The following ANKRD44 variants were observed in gnomAD, a reference collection of about 807,000 sequenced individuals.
ANKRD44 encodes serine/threonine-protein phosphatase 6 regulatory ankyrin repeat subunit B.
Under a neutral mutation model 116.0 loss-of-function variants are expected in ANKRD44, and 35 were observed. The observed-to-expected ratio is 0.30, with a 90% CI of 0.23 to 0.40. The LOEUF (loss-of-function observed/expected upper bound fraction) is 0.40. ANKRD44 is among the 10% of genes least tolerant of loss of function. The pLI, the probability that ANKRD44 is intolerant of heterozygous loss-of-function variation, is 1.00. For missense variants in ANKRD44, 1,014 were observed against 1,242.6 expected (o/e 0.82, Z 2.77); for synonymous variants, 435 against 461.8 (o/e 0.94, Z 0.74).
rs2081354985 is a variant in ANKRD44 at position 197,212,832 on chromosome 2, C to T, written c.28-25726G>A. Among the ~76,000 whole-genome samples the T allele has an allele frequency of 6.6e-6, 1 of 152,114 alleles. No individual in the cohort carries two copies. Among genetic ancestry groups the T allele is most frequent in the Admixed American group, 6.6e-5 (1 of 15,256 alleles). On this transcript the variant is annotated intron_variant, in intron 1 of 27. Coordinates refer to ENST00000282272, the MANE Select transcript of ANKRD44 (RefSeq NM_001195144.2). The surrounding 1 kb of genome is among the most constrained non-coding windows in gnomAD (Gnocchi z 4.8). Reference sequence around the variant, plus strand: ...AATCAGGAACTCGGTGATCACATGCCCACGGTGAGAGAGAAAAAAGGAAAC... The same window carrying T: ...AATCAGGAACTCGGTGATCACATGCTCACGGTGAGAGAGAAAAAAGGAAAC...
chr2:197,256,670 C>A (rs553536545), intron 1 of ANKRD44, among the ~76,000 whole-genome samples: 15 of 152,270 alleles, frequency 9.9e-5, no homozygotes, highest in Admixed American at 2.6e-4. Flanking sequence ...TATACAAATA[C>A]ATTAATCCCC....
chr2:197,265,867 T>A (rs1044681612), intron 1 of ANKRD44, among the ~76,000 whole-genome samples: 6 of 152,160 alleles, frequency 3.9e-5, no homozygotes, highest in Non-Finnish European at 5.9e-5. Context: ...ATTAGCAGTA[T>A]GACATAAGAG....
At chr2:197,060,452 T>C (rs1414894668) in intron 16 of ANKRD44, among the ~76,000 whole-genome samples, 1 of 152,236 alleles carries the variant, frequency 6.6e-6, no homozygotes, top group Non-Finnish European at 1.5e-5. Context: ...GAGGCTTTGA[T>C]ATATGTGTAC....
intron 1 of ANKRD44, among the ~76,000 whole-genome samples, chr2:197,224,766 G>A (rs533566239): frequency 6.8e-4 from 103 of 152,190 alleles, no homozygotes; most frequent in African/African-American, 2.3e-3. Context: ...AAAGGTGAAG[G>A]GTTGGTAATG....
intron 1 of ANKRD44, among the ~76,000 whole-genome samples, chr2:197,204,999 G>A (rs571892255): frequency 3.3e-5 from 5 of 152,328 alleles, no homozygotes; most frequent in South Asian, 2.1e-4. Context: ...AAAATGCAGC[G>A]AGCTGCCCAT....
At chr2:196,999,729 G>A (rs1055830419) in intron 23 of ANKRD44, among the ~76,000 whole-genome samples, 1 of 152,006 alleles carries the variant, frequency 6.6e-6, no homozygotes, top group Non-Finnish European at 1.5e-5. Context: ...GAGTAGCTGG[G>A]ACTACAGGCG....
rs536988301 is a variant in ANKRD44, at chr2:197,252,465, A to C, written c.27+58113T>G. ...TCTGTCGCCCAGGCTGGAGCGCAGT[A>C]GCGCGATCTCGGCTCACTGCAAGCT... On this transcript the variant is annotated intron_variant, in intron 1 of 27. Transcript: ENST00000282272. Among the ~76,000 whole-genome samples the C allele has an allele frequency of 3.2e-3, 482 of 151,882 alleles. 3 individuals carry two copies. The highest frequency in any genetic ancestry group is 0.011 in the African/African-American group (458 of 41,422).
intron 16 of ANKRD44, among the ~76,000 whole-genome samples, chr2:197,059,638 C>T (rs1264282300): frequency 2.0e-5 from 3 of 152,214 alleles, no homozygotes; most frequent in Non-Finnish European, 4.4e-5. Flanking sequence ...GACAGACACA[C>T]ATGTATTCAG....
At chr2:197,290,179 C>T (rs1380712520) in intron 1 of ANKRD44, among the ~76,000 whole-genome samples, 2 of 152,070 alleles carry the variant, frequency 1.3e-5, no homozygotes, top group Non-Finnish European at 2.9e-5. Flanking sequence ...GTGGCTCATG[C>T]CTATAATCCC....
intron 1 of ANKRD44, among the ~76,000 whole-genome samples, chr2:197,269,519 T>G (rs940027969): frequency 2.0e-5 from 3 of 151,880 alleles, no homozygotes; most frequent in Non-Finnish European, 4.4e-5. Context: ...CATGCTGGAG[T>G]TAGAAAGGCT....
At chr2:197,007,779 G>T in intron 20 of ANKRD44, 27 bp downstream of exon 20, 1 of 1,490,452 alleles carries the variant, frequency 6.7e-7, no homozygotes, top group South Asian at 1.2e-5. Flanking sequence ...AAAATTGCTT[G>T]ACTAGAGCTG....
At chr2:197,138,499 G>C (rs2079275542) in intron 3 of ANKRD44, among the ~76,000 whole-genome samples, 1 of 152,196 alleles carries the variant, frequency 6.6e-6, no homozygotes, top group African/African-American at 2.4e-5. Flanking sequence ...CCAAACTTCA[G>C]ATTTCTTCTT....
intron 3 of ANKRD44, among the ~76,000 whole-genome samples, chr2:197,140,855 C>G (rs2125406667): frequency 6.6e-6 from 1 of 152,246 alleles, no homozygotes; most frequent in African/African-American, 2.4e-5. Flanking sequence ...TGTCCAAACT[C>G]ATCAGGTTGT....
At chr2:197,121,678 T>C (rs1052347014) in intron 7 of ANKRD44, 134 bp from the exon 8 acceptor site, 4 of 776,874 alleles carry the variant, frequency 5.1e-6, no homozygotes, top group Non-Finnish European at 8.3e-6. Context: ...AGCTTACTCT[T>C]GCCCCAGTGT....
chr2:196,993,323 C>T (rs185588678), intron 27 of ANKRD44, among the ~76,000 whole-genome samples: 2 of 152,186 alleles, frequency 1.3e-5, no homozygotes, highest in Non-Finnish European at 2.9e-5. Flanking sequence ...GATATTTTAA[C>T]CACTGTGCTG....
chr2:197,244,530 AC>A (rs562296779), intron 1 of ANKRD44, among the ~76,000 whole-genome samples: 38 of 152,240 alleles, frequency 2.5e-4, no homozygotes, highest in Non-Finnish European at 4.7e-4. Context: ...GTCACCAACC[AC>A]ATGTTGGGAT....
intron 17 of ANKRD44, among the ~76,000 whole-genome samples, chr2:197,017,063 G>T (rs1367320979): frequency 6.6e-6 from 1 of 152,202 alleles, no homozygotes; most frequent in Non-Finnish European, 1.5e-5. Context: ...GATTGGCAAT[G>T]ATTAAAGTTT....
intron 27 of ANKRD44, 114 bp downstream of exon 27, chr2:196,993,469 A>T: frequency 1.2e-6 from 1 of 821,280 alleles, no homozygotes; most frequent in Non-Finnish European, 2.0e-6. Context: ...AGGACTTCCA[A>T]GGGGGACAGA....
intron 1 of ANKRD44, among the ~76,000 whole-genome samples, chr2:197,300,348 T>C (rs554398536): frequency 2.0e-5 from 3 of 152,240 alleles, no homozygotes; most frequent in Admixed American, 6.5e-5. Context: ...GTCACTCACC[T>C]GGGTTCTACC....
Sources: allele counts gnomAD v4.1 joint callset (sites outside exome capture counted in the v4.1 genomes callset), GRCh38; gene constraint gnomAD v4.1.1; non-coding constraint Gnocchi (gnomAD v3.1); transcripts MANE v1.5; gene names NCBI Gene and HGNC (gene_info 2026-07-23, HGNC 2026-07-21).